The following PBX1 variants were observed in gnomAD, a reference collection of about 807,000 sequenced individuals.
PBX1 encodes the protein PBX homeobox 1, also known as pre-B-cell leukemia transcription factor 1.
Under a neutral mutation model 53.4 loss-of-function variants are expected in PBX1, and 6 were observed. The ratio of observed to expected loss-of-function variants is 0.11; its 90% CI spans 0.06 to 0.22. PBX1 has a LOEUF of 0.22. Among genes scored for constraint, PBX1 ranks in the 10% least tolerant of loss-of-function variants. The probability of loss-of-function intolerance (pLI) is 1.00; values close to 1 mark genes in which losing one functional copy is unlikely to be tolerated. For missense variants in PBX1, 251 were observed against 551.4 expected (o/e 0.46, Z 5.46); for synonymous variants, 204 against 212.3 (o/e 0.96, Z 0.34).
intron 2 of PBX1, among the ~76,000 whole-genome samples, chr1:164,677,037 T>C (rs1256490649): frequency 1.3e-5 from 2 of 151,894 alleles, no homozygotes; most frequent in African/African-American, 4.8e-5. Flanking sequence ...CAAGTCCCCA[T>C]GGTTTATGAC....
chr1:164,625,894 T>C (rs927546463), intron 2 of PBX1: 4 of 1,015,246 alleles, frequency 3.9e-6, no homozygotes, highest in Non-Finnish European at 4.7e-6. Context: ...AAATCTATTC[T>C]GCATAATAGG....
intron 2 of PBX1, among the ~76,000 whole-genome samples, chr1:164,627,444 A>G (rs929682333): frequency 7.9e-5 from 12 of 152,174 alleles, no homozygotes; most frequent in African/African-American, 2.9e-4. Flanking sequence ...TGCATGTTCA[A>G]TCCAGCAAGA....
chr1:164,576,214 G>T (rs1654222047), intron 2 of PBX1, among the ~76,000 whole-genome samples: 1 of 152,228 alleles, frequency 6.6e-6, no homozygotes, highest in East Asian at 1.9e-4. Context: ...GGATAATGAT[G>T]ATGCTGGGAG....
In PBX1 at chr1:164,849,133, C is replaced by T. The variant is rs988822105; in HGVS notation, c.*2457C>T. The T allele has an allele frequency of 5.1e-5, 71 of 1,378,982 alleles. 1 individual carries two copies. In the South Asian group the frequency reaches 6.6e-4, roughly 13 times the overall value. 85.4% of individuals were successfully genotyped at this position (1,378,982 alleles called of 1,614,324 possible). A position where few individuals can be genotyped will look rare whatever the true frequency, so the allele number is the denominator to read the frequency against. ...CATTTGCTTGACTTAGGGCAAAGTACGAAAGAGAGACAAAAGGGTTCTCTT... is the reference window on the plus strand; with the variant it reads ...CATTTGCTTGACTTAGGGCAAAGTATGAAAGAGAGACAAAAGGGTTCTCTT... On this transcript the variant is annotated 3_prime_UTR_variant, in exon 9 of 9. Transcript: ENST00000420696.
At chr1:164,673,789 G>T (rs982726090) in intron 2 of PBX1, among the ~76,000 whole-genome samples, 1 of 152,090 alleles carries the variant, frequency 6.6e-6, no homozygotes, top group Admixed American at 6.5e-5. Context: ...GATTCCACGC[G>T]GATCTCTCGG....
chr1:164,711,153 T>C (rs1278489464), intron 2 of PBX1, among the ~76,000 whole-genome samples: 1 of 152,238 alleles, frequency 6.6e-6, no homozygotes, highest in East Asian at 1.9e-4. Context: ...ACAGGGTGGC[T>C]GCTGACTTTG....
intron 2 of PBX1, among the ~76,000 whole-genome samples, chr1:164,878,283 T>C (rs1672563672): frequency 6.6e-6 from 1 of 152,194 alleles, no homozygotes; most frequent in Non-Finnish European, 1.5e-5. Flanking sequence ...GTAAACTGCA[T>C]AGCACAGCCT....
At chr1:164,766,738 A>ATTTT (rs35564181) in intron 2 of PBX1, among the ~76,000 whole-genome samples, 5 of 69,274 alleles carry the variant, frequency 7.2e-5, no homozygotes, top group East Asian at 4.6e-4. Flanking sequence ...TTATTTATTT[A>ATTTT]TTTTTTTTTT....
At chr1:164,856,988 A>C (rs1175717527) in intron 2 of PBX1, among the ~76,000 whole-genome samples, 2 of 152,088 alleles carry the variant, frequency 1.3e-5, no homozygotes, top group Non-Finnish European at 2.9e-5. Flanking sequence ...TCCTGATGCC[A>C]CTTCTGACAA....
chr1:164,677,858 G>A (rs1439407875), intron 2 of PBX1, among the ~76,000 whole-genome samples: 2 of 152,122 alleles, frequency 1.3e-5, no homozygotes, highest in African/African-American at 4.8e-5. Flanking sequence ...CAGTAGTGAT[G>A]GAATAGGATG....
intron 2 of PBX1, among the ~76,000 whole-genome samples, chr1:164,583,897 G>A (rs1447255374): frequency 1.3e-5 from 2 of 152,072 alleles, no homozygotes; most frequent in African/African-American, 4.8e-5. Context: ...TCTTGATCAG[G>A]CCCTTGAAGA....
intron 2 of PBX1, among the ~76,000 whole-genome samples, chr1:164,581,931 G>A (rs1557872765): frequency 6.6e-6 from 1 of 152,138 alleles, no homozygotes; most frequent in South Asian, 2.1e-4. Flanking sequence ...GGATGATTGT[G>A]TACTCAGGGA....
chr1:164,859,474 C>A (rs1225360321), intron 2 of PBX1, among the ~76,000 whole-genome samples: 1 of 152,198 alleles, frequency 6.6e-6, no homozygotes, highest in Non-Finnish European at 1.5e-5. Context: ...TGACATAAAA[C>A]CAGCTCTTTC....
At chr1:164,865,313 G>A (rs1420695444) in intron 2 of PBX1, among the ~76,000 whole-genome samples, 1 of 152,202 alleles carries the variant, frequency 6.6e-6, no homozygotes, top group African/African-American at 2.4e-5. Context: ...CTCAAGGTTT[G>A]CTTCTAGAAT....
At chr1:164,844,599 A>G (rs970791640) in intron 8 of PBX1, among the ~76,000 whole-genome samples, 9 of 152,306 alleles carry the variant, frequency 5.9e-5, no homozygotes, top group Middle Eastern at 6.8e-3. Context: ...TTTCCCAAAT[A>G]TTAGCGATAA....
At chr1:164,709,029 C>T (rs911415849) in intron 2 of PBX1, among the ~76,000 whole-genome samples, 6 of 152,168 alleles carry the variant, frequency 3.9e-5, no homozygotes, top group Non-Finnish European at 8.8e-5. Flanking sequence ...GGAGACACCC[C>T]AGCAAATCAG....
chr1:164,835,361 A>G (rs1043173449), intron 8 of PBX1, among the ~76,000 whole-genome samples: 2 of 152,008 alleles, frequency 1.3e-5, no homozygotes, highest in Admixed American at 6.6e-5. Flanking sequence ...TTGCTAGATC[A>G]AAGGGTATGC....
At chr1:164,768,526 C>T (rs1471448907) in intron 2 of PBX1, among the ~76,000 whole-genome samples, 2 of 152,150 alleles carry the variant, frequency 1.3e-5, no homozygotes, top group Non-Finnish European at 2.9e-5. Context: ...TTAAATGTTT[C>T]GGAAATGTGA....
At chr1:164,821,228 C>T (rs1670137170) in intron 7 of PBX1, among the ~76,000 whole-genome samples, 1 of 152,178 alleles carries the variant, frequency 6.6e-6, no homozygotes. Flanking sequence ...TTCCTTCATG[C>T]TTTCCCCTCC....
Sources: gnomAD v4.1 joint callset for allele counts (sites outside exome capture counted in the v4.1 genomes callset) on GRCh38, gnomAD v4.1.1 for gene constraint, MANE v1.5 for transcripts, NCBI Gene and HGNC (gene_info 2026-07-23, HGNC 2026-07-21) for gene names.